The following FGGY variants were observed in gnomAD, a reference collection of about 807,000 sequenced individuals.
FGGY encodes the protein FGGY carbohydrate kinase domain-containing protein.
A neutral mutation model predicts 71.3 loss-of-function variants in FGGY; 72 were observed. That is an observed-to-expected ratio of 1.01 (90% CI 0.84 to 1.23). The LOEUF is 1.23. FGGY is among the 50% of genes most tolerant of loss of function. The pLI is 0.00. For synonymous variants in FGGY, 251 were observed against 250.3 expected (o/e 1.00, Z -0.02); for missense variants, 668 against 682.3 (o/e 0.98, Z 0.23).
intron 4 of FGGY, among the ~76,000 whole-genome samples, chr1:59,346,915 G>A (rs1335260244): frequency 6.8e-6 from 1 of 147,568 alleles, no homozygotes; most frequent in East Asian, 2.0e-4. Context: ...TTATAGGTGT[G>A]AACCACTGTG....
chr1:59,752,488 C>T (rs1414464139), intron 14 of FGGY, among the ~76,000 whole-genome samples: 1 of 152,198 alleles, frequency 6.6e-6, no homozygotes, highest in East Asian at 1.9e-4. Context: ...AAGGCTTAAG[C>T]CCATTATTCC....
At chr1:59,317,455 C>A (rs58797705) in intron 1 of FGGY, among the ~76,000 whole-genome samples, 28,606 of 152,122 alleles carry the variant, frequency 0.19, 3,241 homozygotes, top group East Asian at 0.35. Context: ...TGATCCTTAT[C>A]CTTGTTTACT....
chr1:59,638,203 A>C (rs751161005), intron 10 of FGGY, 25 bp from the exon 11 acceptor site: 2 of 1,608,682 alleles, frequency 1.2e-6, no homozygotes, highest in Admixed American at 3.4e-5. Context: ...CCCCCCTTTA[A>C]AAATAAAATT....
chr1:59,333,569 C>G (rs1260344830), intron 2 of FGGY, among the ~76,000 whole-genome samples: 2 of 152,176 alleles, frequency 1.3e-5, no homozygotes, highest in Non-Finnish European at 2.9e-5. Flanking sequence ...CTTCTGCCCC[C>G]AAAGTCGCTG....
chr1:59,597,356 C>T (rs1278842353), intron 8 of FGGY, among the ~76,000 whole-genome samples: 1 of 152,148 alleles, frequency 6.6e-6, no homozygotes, highest in Non-Finnish European at 1.5e-5. Context: ...CAGGGTAAAT[C>T]CTCAATTTTA....
chr1:59,646,157 C>G (rs917127105), intron 11 of FGGY, among the ~76,000 whole-genome samples: 1 of 152,168 alleles, frequency 6.6e-6, no homozygotes, highest in Non-Finnish European at 1.5e-5. Flanking sequence ...AGGTTGCACC[C>G]CTGTGGCTTT....
At chr1:59,335,530 G>A (rs1411124655) in intron 2 of FGGY, among the ~76,000 whole-genome samples, 2 of 152,102 alleles carry the variant, frequency 1.3e-5, no homozygotes, top group Non-Finnish European at 2.9e-5. Context: ...ACAATTCTTT[G>A]TGTTGATGTA....
At chr1:59,591,599 C>G (rs961883931) in intron 8 of FGGY, among the ~76,000 whole-genome samples, 1 of 152,078 alleles carries the variant, frequency 6.6e-6, no homozygotes, top group African/African-American at 2.4e-5. Flanking sequence ...AGATATAGAC[C>G]AATGTAACAG....
intron 11 of FGGY, among the ~76,000 whole-genome samples, chr1:59,653,772 C>G (rs140475550): frequency 6.6e-6 from 1 of 152,212 alleles, no homozygotes; most frequent in Non-Finnish European, 1.5e-5. Flanking sequence ...CATCTTGGCT[C>G]CTCCTCCTGC....
At chr1:59,505,367 A>G (rs2094351435) in intron 6 of FGGY, among the ~76,000 whole-genome samples, 1 of 152,206 alleles carries the variant, frequency 6.6e-6, no homozygotes, top group Admixed American at 6.5e-5. Flanking sequence ...TGATGAGGCT[A>G]TCATAAAGTT....
At chr1:59,589,864 C>T (rs2096393668) in intron 8 of FGGY, among the ~76,000 whole-genome samples, 1 of 152,010 alleles carries the variant, frequency 6.6e-6, no homozygotes, top group Non-Finnish European at 1.5e-5. Flanking sequence ...ACTCTAACAT[C>T]ACAATTAAAA....
chr1:59,564,988 G>A (rs1042020470), intron 8 of FGGY, among the ~76,000 whole-genome samples: 4 of 152,142 alleles, frequency 2.6e-5, no homozygotes, highest in African/African-American at 9.7e-5. Context: ...CGAAAATGGT[G>A]CAGCTGTGTT....
At chr1:59,711,091 C>A (rs1276860495) in intron 14 of FGGY, among the ~76,000 whole-genome samples, 1 of 152,168 alleles carries the variant, frequency 6.6e-6, no homozygotes, top group Non-Finnish European at 1.5e-5. Flanking sequence ...CACATATACA[C>A]AATGGAATAC....
chr1:59,653,396 A>G (rs1019330298), intron 11 of FGGY, among the ~76,000 whole-genome samples: 2 of 151,862 alleles, frequency 1.3e-5, no homozygotes, highest in Non-Finnish European at 2.9e-5. Context: ...TGTGCTAGCA[A>G]TCAGCGAGAT....
intron 14 of FGGY, among the ~76,000 whole-genome samples, chr1:59,746,168 T>G (rs2098195555): frequency 6.6e-6 from 1 of 152,160 alleles, no homozygotes; most frequent in Admixed American, 6.5e-5. Flanking sequence ...AACAAGAGGC[T>G]GACAGTGACA....
chr1:59,360,123 C>CATTATTATTATTATT (rs1317144695), intron 4 of FGGY, among the ~76,000 whole-genome samples: 3 of 101,834 alleles, frequency 2.9e-5, no homozygotes, highest in African/African-American at 4.1e-5. Context: ...ATTTTTCTAT[C>CATTATTATTATTATT]ATTGTTATTA....
At chr1:59,520,185 A>G (rs1200866472) in intron 7 of FGGY, among the ~76,000 whole-genome samples, 1 of 152,256 alleles carries the variant, frequency 6.6e-6, no homozygotes, top group African/African-American at 2.4e-5. Flanking sequence ...GCTTATTTCT[A>G]TAGAAGCCAA....
rs183901663 is a variant in FGGY, at chr1:59,728,703, C to T, written c.1513-29228C>T. The stretch of plus-strand genomic sequence containing the variant: ...TTCTTTTAATACTTTAAATATTTTA[C>T]TCCATTCTAGTTTTATTTACACGGT... On this transcript the variant is annotated intron_variant, in intron 14 of 15. Coordinates refer to ENST00000303721, the MANE Select transcript of FGGY (RefSeq NM_018291.5). Among the ~76,000 whole-genome samples, 536 of 151,960 alleles carry T rather than the reference C, an allele frequency of 3.5e-3. 2 individuals are homozygous for T. The highest frequency in any genetic ancestry group is 0.02 in the South Asian group (98 of 4,828).
At chr1:59,536,570 A>G (rs934787585) in intron 7 of FGGY, among the ~76,000 whole-genome samples, 4 of 152,240 alleles carry the variant, frequency 2.6e-5, no homozygotes, top group African/African-American at 7.2e-5. Flanking sequence ...CACTGATGCA[A>G]AAATCCTCGG....
Sources: gnomAD v4.1 joint callset for allele counts (sites outside exome capture counted in the v4.1 genomes callset) on GRCh38, gnomAD v4.1.1 for gene constraint, MANE v1.5 for transcripts, NCBI Gene and HGNC (gene_info 2026-07-23, HGNC 2026-07-21) for gene names.